CELF4: variants seen among roughly 807,000 people sequenced by gnomAD.
CELF4 encodes the protein CUG-BP- and ETR-3-like factor 4.
A neutral mutation model predicts 59.9 loss-of-function variants in CELF4; 18 were observed. The ratio of observed to expected loss-of-function variants is 0.30; its 90% CI spans 0.21 to 0.45. The LOEUF (loss-of-function observed/expected upper bound fraction) is 0.45. Ranked by LOEUF, CELF4 falls within the 20% of genes least tolerant of loss-of-function variation. CELF4 has a pLI of 1.00. For synonymous variants in CELF4, 261 were observed against 267.1 expected (o/e 0.98, Z 0.22); for missense variants, 456 against 689.0 (o/e 0.66, Z 3.79).
intron 2 of CELF4, among the ~76,000 whole-genome samples, chr18:37,383,594 A>G (rs571774285): frequency 3.5e-4 from 54 of 152,372 alleles, no homozygotes; most frequent in African/African-American, 1.3e-3. Flanking sequence ...ATGCAGCCCC[A>G]GGAATTTTTC....
intron 2 of CELF4, among the ~76,000 whole-genome samples, chr18:37,426,694 C>T (rs1045318015): frequency 6.6e-6 from 1 of 152,162 alleles, no homozygotes; most frequent in Non-Finnish European, 1.5e-5. Flanking sequence ...GCGGGGCAGC[C>T]TGCCCAGGCG....
At chr18:37,517,657 C>T (rs2099952298) in intron 1 of CELF4, among the ~76,000 whole-genome samples, 1 of 152,194 alleles carries the variant, frequency 6.6e-6, no homozygotes. Context: ...CTGTGGCACC[C>T]TCTCCCTGCC....
chr18:37,271,949 G>C (rs1261921149), intron 7 of CELF4, among the ~76,000 whole-genome samples: 4 of 152,174 alleles, frequency 2.6e-5, no homozygotes, highest in Admixed American at 6.5e-5. Context: ...AGGAAGCAGG[G>C]TCCCTCTGAG....
At chr18:37,558,438 G>T (rs1044245236) in intron 1 of CELF4, among the ~76,000 whole-genome samples, 8 of 146,700 alleles carry the variant, frequency 5.5e-5, no homozygotes, top group Non-Finnish European at 1.0e-4. Flanking sequence ...TTATGTTGCC[G>T]AATGGAACAC....
At chr18:37,476,366 G>A (rs2099849020) in intron 2 of CELF4, among the ~76,000 whole-genome samples, 1 of 152,152 alleles carries the variant, frequency 6.6e-6, no homozygotes, top group African/African-American at 2.4e-5. Context: ...CACCAGAAGG[G>A]GATGCCACCC....
chr18:37,462,388 G>A (rs983215102), intron 2 of CELF4, among the ~76,000 whole-genome samples: 1 of 152,178 alleles, frequency 6.6e-6, no homozygotes, highest in Non-Finnish European at 1.5e-5. Context: ...TCACCCTTGT[G>A]TCTGCTCCTC....
Position 37,246,542 on chromosome 18 carries a change from A to AT in CELF4, c.*45-1346dup, listed in dbSNP as rs1380982898. 6.6e-6 allele frequency among the ~76,000 whole-genome samples: 1 copy of AT among 151,696 alleles called. No individual in the cohort carries two copies. Among genetic ancestry groups the AT allele is most frequent in the Non-Finnish European group, 1.5e-5 (1 of 67,920 alleles). On this transcript the variant is annotated intron_variant, in intron 12 of 12. Transcript: ENST00000420428. The surrounding 1 kb of genome is among the most constrained non-coding windows in gnomAD (Gnocchi z 5.3). ...TTGTACTCTAGTTTTTTGGTTTAGA[A>AT]TTTTTTTATCATTCTGTTACTGTAG...
intron 2 of CELF4, among the ~76,000 whole-genome samples, chr18:37,355,152 T>C (rs2098541812): frequency 6.6e-6 from 1 of 152,206 alleles, no homozygotes; most frequent in Non-Finnish European, 1.5e-5. Context: ...AGAGACAGTG[T>C]GAGCCTGCTT....
At chr18:37,400,477 G>T (rs1321011945) in intron 2 of CELF4, among the ~76,000 whole-genome samples, 1 of 152,168 alleles carries the variant, frequency 6.6e-6, no homozygotes, top group Non-Finnish European at 1.5e-5. Flanking sequence ...TGTGTTTGTT[G>T]CATTCATGTT....
At chr18:37,328,663 C>T (rs1603499416) in intron 2 of CELF4, among the ~76,000 whole-genome samples, 1 of 152,206 alleles carries the variant, frequency 6.6e-6, no homozygotes, top group Middle Eastern at 3.2e-3. Context: ...CTTGTGGACG[C>T]GCTTGTGTGG....
At chr18:37,307,303 A>G (rs565861009) in intron 3 of CELF4, among the ~76,000 whole-genome samples, 216 of 152,222 alleles carry the variant, frequency 1.4e-3, no homozygotes, top group Non-Finnish European at 2.5e-3. Flanking sequence ...GGCAATCAGC[A>G]CGCTCTGTGA....
At chr18:37,347,787 G>A (rs775904123) in intron 2 of CELF4, among the ~76,000 whole-genome samples, 3 of 152,178 alleles carry the variant, frequency 2.0e-5, no homozygotes, top group African/African-American at 7.2e-5. Flanking sequence ...GCAGGTGAGA[G>A]GCCAGAAGCC....
rs146914787 is a variant in CELF4 at position 37,270,902 on chromosome 18, G to A, written c.965C>T (p.Pro322Leu). Residue 322 changes from proline to leucine, a missense_variant, in exon 8 of 13, where the codon CCG becomes CTG. By Grantham distance (98) the Pro-to-Leu change is moderately conservative. Transcript: ENST00000420428. Reference protein sequence around the residue: ...MTPTSGGSTPPGITAPAVPSI... With the variant: ...MTPTSGGSTPLGITAPAVPSI... ...AGGCACGGCTGGTGCAGTGATGCCC[G>A]GAGGGGTGCTGCCACCTGGTTCCAG... 3.1e-6 allele frequency: 5 copies of A among 1,608,926 alleles called. No homozygotes were observed. Among genetic ancestry groups the A allele is most frequent in the Non-Finnish European group, 3.4e-6 (4 of 1,177,518 alleles).
intron 3 of CELF4, among the ~76,000 whole-genome samples, chr18:37,290,291 G>A (rs936288120): frequency 2.6e-5 from 4 of 152,196 alleles, no homozygotes; most frequent in Non-Finnish European, 5.9e-5. Context: ...GGCTGCATCA[G>A]AAAGCTTCAT....
At chr18:37,544,028 C>T (rs921749021) in intron 1 of CELF4, among the ~76,000 whole-genome samples, 1 of 152,040 alleles carries the variant, frequency 6.6e-6, no homozygotes, top group Admixed American at 6.5e-5. Context: ...AGAGGGTACC[C>T]CAGGTGGGGG....
intron 2 of CELF4, among the ~76,000 whole-genome samples, chr18:37,421,350 T>G (rs1048895039): frequency 6.6e-6 from 1 of 152,220 alleles, no homozygotes; most frequent in Non-Finnish European, 1.5e-5. Context: ...CTGGCTGGCC[T>G]GGCCACAGGG....
intron 2 of CELF4, among the ~76,000 whole-genome samples, chr18:37,341,839 C>T (rs1004149424): frequency 2.6e-5 from 4 of 152,278 alleles, no homozygotes; most frequent in South Asian, 2.1e-4. Context: ...AGGCACTTAT[C>T]GTTCTAATGG....
At chr18:37,351,138 G>T (rs1356036246) in intron 2 of CELF4, among the ~76,000 whole-genome samples, 1 of 152,170 alleles carries the variant, frequency 6.6e-6, no homozygotes, top group Non-Finnish European at 1.5e-5. Flanking sequence ...GAAGGGAGGG[G>T]CTTGCACATG....
chr18:37,513,941 C>CAT (rs1308210587), intron 1 of CELF4, among the ~76,000 whole-genome samples: 9 of 144,350 alleles, frequency 6.2e-5, no homozygotes, highest in African/African-American at 2.1e-4. Context: ...TGTGTGGTGC[C>CAT]GTGTGTGTGT....
Sources: gnomAD v4.1 joint callset for allele counts (sites outside exome capture counted in the v4.1 genomes callset) on GRCh38, gnomAD v4.1.1 for gene constraint, Gnocchi (gnomAD v3.1) non-coding constraint, MANE v1.5 for transcripts, NCBI Gene and HGNC (gene_info 2026-07-23, HGNC 2026-07-21) for gene names.